Variants in EFR3A observed in about 807,000 individuals in gnomAD.
EFR3A encodes the protein protein EFR3 homolog A.
Under a neutral mutation model 104.4 loss-of-function variants are expected in EFR3A, and 76 were observed. That is an observed-to-expected ratio of 0.73 (90% confidence interval 0.60 to 0.88). The LOEUF (loss-of-function observed/expected upper bound fraction) is 0.88. Among genes scored for constraint, EFR3A ranks in the 40% least tolerant of loss-of-function variants. The pLI, the probability that EFR3A is intolerant of heterozygous loss-of-function variation, is 0.00. For missense variants in EFR3A, 985 were observed against 1,012.5 expected (o/e 0.97, Z 0.37); for synonymous variants, 330 against 330.0 (o/e 1.00, Z 0.00).
intron 1 of EFR3A, among the ~76,000 whole-genome samples, chr8:131,925,292 T>C (rs1817243128): frequency 6.6e-6 from 1 of 152,202 alleles, no homozygotes; most frequent in South Asian, 2.1e-4. Flanking sequence ...ATTTTTGTTA[T>C]GCATTATAAA....
chr8:131,925,379 CTG>C (rs1817246743), intron 1 of EFR3A, among the ~76,000 whole-genome samples: 1 of 152,108 alleles, frequency 6.6e-6, no homozygotes, highest in Admixed American at 6.6e-5. Context: ...TTTGCAGAAT[CTG>C]TGAAGTGGGG....
intron 18 of EFR3A, among the ~76,000 whole-genome samples, chr8:131,992,902 A>G (rs1821268595): frequency 6.6e-6 from 1 of 152,166 alleles, no homozygotes; most frequent in African/African-American, 2.4e-5. Context: ...TTATGTGGTT[A>G]GTGTTTTAAG....
At chr8:131,999,740 T>C (rs1446326390) in intron 19 of EFR3A, among the ~76,000 whole-genome samples, 1 of 151,380 alleles carries the variant, frequency 6.6e-6, no homozygotes, top group Non-Finnish European at 1.5e-5. Flanking sequence ...GAGTGGGAGA[T>C]AAGATTGAAG....
intron 4 of EFR3A, among the ~76,000 whole-genome samples, chr8:131,948,525 A>T (rs919450032): frequency 4.6e-5 from 7 of 152,104 alleles, no homozygotes; most frequent in Admixed American, 3.3e-4. Context: ...CATTTAGATG[A>T]TGTGACAAGC....
At chr8:131,961,460 A>G (rs1819323119) in intron 8 of EFR3A, among the ~76,000 whole-genome samples, 1 of 152,240 alleles carries the variant, frequency 6.6e-6, no homozygotes, top group Non-Finnish European at 1.5e-5. Flanking sequence ...AAAGGTTATC[A>G]GTGATGGAAG....
rs1182674470 is a variant in EFR3A at position 132,011,706 on chromosome 8, A to T, written c.*811A>T. 1 of 152,894 alleles carries T rather than the reference A, an allele frequency of 6.5e-6. No homozygotes were observed. The highest frequency in any genetic ancestry group is 1.5e-5 in the Non-Finnish European group (1 of 68,318). The allele number at this position is 152,894 out of a possible 1,614,324, so 9.5% of individuals were successfully genotyped here. ...GCTGTGGCTCCATTAATTAAATGAGATATATATTTAGTGCAGAAAAAAGAC... is the reference window on the plus strand; with the variant it reads ...GCTGTGGCTCCATTAATTAAATGAGTTATATATTTAGTGCAGAAAAAAGAC... On this transcript the variant is annotated 3_prime_UTR_variant, in exon 23 of 23. Coordinates refer to ENST00000254624, the MANE Select transcript of EFR3A (RefSeq NM_015137.6).
chr8:131,960,268 T>C (rs559981479), intron 8 of EFR3A, among the ~76,000 whole-genome samples: 1 of 152,318 alleles, frequency 6.6e-6, no homozygotes, highest in East Asian at 1.9e-4. Context: ...GGTCCACTTA[T>C]AGTATAGATT....
intron 2 of EFR3A, among the ~76,000 whole-genome samples, chr8:131,944,281 A>G (rs1346858858): frequency 6.6e-6 from 1 of 152,084 alleles, no homozygotes. Flanking sequence ...ACAGCTCTGA[A>G]TACTTTCTTG....
chr8:131,999,912 G>A (rs1011662720), intron 19 of EFR3A, among the ~76,000 whole-genome samples: 1 of 152,114 alleles, frequency 6.6e-6, no homozygotes. Context: ...GAGACTGGAG[G>A]TAGAGGCCAG....
At chr8:131,991,083 G>A (rs1586662110) in intron 18 of EFR3A, among the ~76,000 whole-genome samples, 1 of 152,274 alleles carries the variant, frequency 6.6e-6, no homozygotes, top group Admixed American at 6.5e-5. Flanking sequence ...AGTTCCACGT[G>A]GCTGGGGAAG....
intron 22 of EFR3A, among the ~76,000 whole-genome samples, chr8:132,007,501 C>T (rs1157039178): frequency 6.6e-6 from 1 of 151,856 alleles, no homozygotes; most frequent in Admixed American, 6.6e-5. Flanking sequence ...ATACCATGTT[C>T]ATGGACTGAA....
intron 14 of EFR3A, among the ~76,000 whole-genome samples, chr8:131,983,744 C>A (rs1190089937): frequency 2.0e-5 from 3 of 152,158 alleles, no homozygotes; most frequent in Non-Finnish European, 4.4e-5. Flanking sequence ...TACATTTCCT[C>A]TCAGTACAAT....
At chr8:131,946,995 C>T (rs1220333928) in intron 4 of EFR3A, among the ~76,000 whole-genome samples, 1 of 151,874 alleles carries the variant, frequency 6.6e-6, no homozygotes, top group African/African-American at 2.4e-5. Flanking sequence ...AATAATGCTG[C>T]TATGAAGATT....
intron 9 of EFR3A, among the ~76,000 whole-genome samples, chr8:131,968,652 CTAATA>C (rs974769142): frequency 6.6e-6 from 1 of 152,052 alleles, no homozygotes; most frequent in Non-Finnish European, 1.5e-5. Flanking sequence ...TTTCCTTCTT[CTAATA>C]AAGGTTTTTG....
intron 5 of EFR3A, among the ~76,000 whole-genome samples, 183 bp from the exon 6 acceptor site, chr8:131,953,635 C>T (rs946982150): frequency 1.2e-4 from 19 of 152,052 alleles, no homozygotes; most frequent in Middle Eastern, 3.4e-3. Context: ...AGCCTTTTTG[C>T]AGCACATCTC....
chr8:131,906,204 G>A (rs1481126975), intron 1 of EFR3A, among the ~76,000 whole-genome samples: 1 of 152,250 alleles, frequency 6.6e-6, no homozygotes, highest in African/African-American at 2.4e-5. Flanking sequence ...GGATAGTGCA[G>A]TGGACAACAA....
At chr8:131,978,041 A>G (rs925690372) in intron 12 of EFR3A, among the ~76,000 whole-genome samples, 3 of 152,158 alleles carry the variant, frequency 2.0e-5, no homozygotes, top group African/African-American at 7.2e-5. Context: ...TTGTCCCACC[A>G]GTTTCCCAGC....
At chr8:131,933,499 T>A (rs1817720426) in intron 1 of EFR3A, among the ~76,000 whole-genome samples, 1 of 152,192 alleles carries the variant, frequency 6.6e-6, no homozygotes, top group Admixed American at 6.5e-5. Context: ...GTGTTAATTT[T>A]TTTTCAAATG....
chr8:132,001,607 G>A (rs538510256), intron 19 of EFR3A, among the ~76,000 whole-genome samples, 152 bp from the exon 20 acceptor site: 6 of 152,242 alleles, frequency 3.9e-5, no homozygotes, highest in African/African-American at 1.4e-4. Context: ...AGATTATTTG[G>A]TACTGTGGAG....
Sources: gnomAD v4.1 joint callset for allele counts (sites outside exome capture counted in the v4.1 genomes callset) on GRCh38, gnomAD v4.1.1 for gene constraint, MANE v1.5 for transcripts, NCBI Gene and HGNC (gene_info 2026-07-23, HGNC 2026-07-21) for gene names.